PTPRK: variants seen among roughly 807,000 people sequenced by gnomAD.
PTPRK encodes protein tyrosine phosphatase receptor type K.
PTPRK carries 75 observed loss-of-function variants against 178.0 expected under a neutral mutation model. The observed-to-expected ratio is 0.42, with a 90% CI of 0.35 to 0.51. The LOEUF is 0.51. Ranked by LOEUF, PTPRK falls within the 20% of genes least tolerant of loss-of-function variation. PTPRK has a pLI of 0.02. For synonymous variants in PTPRK, 637 were observed against 620.6 expected (o/e 1.03, Z -0.39); for missense variants, 1,441 against 1,797.8 (o/e 0.80, Z 3.59).
At chr6:128,514,346 C>T (rs1281991897) in intron 1 of PTPRK, among the ~76,000 whole-genome samples, 1 of 150,716 alleles carries the variant, frequency 6.6e-6, no homozygotes, top group Non-Finnish European at 1.5e-5. Context: ...AATGTTTCTA[C>T]AACTAAGTCC....
At chr6:127,991,249 C>T (rs1426017333) in intron 20 of PTPRK, 45 bp downstream of exon 20, 1 of 1,447,976 alleles carries the variant, frequency 6.9e-7, no homozygotes, top group Admixed American at 1.9e-5. Flanking sequence ...TGCTTCTCAA[C>T]TATGTTCATT....
At chr6:128,001,936 T>A (rs190761565) in intron 15 of PTPRK, among the ~76,000 whole-genome samples, 2 of 151,996 alleles carry the variant, frequency 1.3e-5, no homozygotes, top group East Asian at 3.9e-4. Flanking sequence ...TTCAGAGGCA[T>A]CTGATGTATC....
intron 7 of PTPRK, among the ~76,000 whole-genome samples, chr6:128,106,288 T>C (rs1789707423): frequency 6.6e-6 from 1 of 152,288 alleles, no homozygotes; most frequent in South Asian, 2.1e-4. Flanking sequence ...TTGAGAGTTT[T>C]GGGAAGAATC....
At chr6:128,295,976 G>T (rs560560785) in intron 3 of PTPRK, among the ~76,000 whole-genome samples, 8 of 152,026 alleles carry the variant, frequency 5.3e-5, no homozygotes, top group Non-Finnish European at 1.0e-4. Flanking sequence ...CATAAAAAAC[G>T]ATTAACATCA....
At chr6:127,976,099 G>A (rs887503648) in intron 27 of PTPRK, among the ~76,000 whole-genome samples, 9 of 152,184 alleles carry the variant, frequency 5.9e-5, no homozygotes, top group African/African-American at 2.2e-4. Flanking sequence ...CATGGTGGTA[G>A]CAGCACTGGT....
At chr6:128,331,553 C>G (rs550532787) in intron 2 of PTPRK, among the ~76,000 whole-genome samples, 1 of 151,860 alleles carries the variant, frequency 6.6e-6, no homozygotes, top group Admixed American at 6.6e-5. Context: ...TAAAATACTC[C>G]ATTAATTTGG....
intron 13 of PTPRK, among the ~76,000 whole-genome samples, chr6:128,043,633 C>A (rs1777558511): frequency 9.8e-6 from 1 of 102,186 alleles, no homozygotes. Flanking sequence ...CATTTTGTTG[C>A]TTGAAGGGGC....
intron 7 of PTPRK, among the ~76,000 whole-genome samples, chr6:128,100,271 G>A (rs1391484390): frequency 6.6e-6 from 1 of 151,936 alleles, no homozygotes; most frequent in African/African-American, 2.4e-5. Flanking sequence ...GAAAATCTGA[G>A]AACATATTAA....
intron 1 of PTPRK, among the ~76,000 whole-genome samples, chr6:128,508,868 ACC>A (rs1856754482): frequency 6.6e-6 from 1 of 151,230 alleles, no homozygotes; most frequent in African/African-American, 2.4e-5. Flanking sequence ...AATCGCTTGA[ACC>A]CAGGAGGCGG....
intron 10 of PTPRK, among the ~76,000 whole-genome samples, chr6:128,079,379 C>G (rs192447077): frequency 6.6e-6 from 1 of 151,924 alleles, no homozygotes; most frequent in Non-Finnish European, 1.5e-5. Context: ...AGACACAGTA[C>G]TCTTATGCTA....
At chr6:128,447,218 C>G (rs1379703209) in intron 1 of PTPRK, among the ~76,000 whole-genome samples, 1 of 152,116 alleles carries the variant, frequency 6.6e-6, no homozygotes, top group Non-Finnish European at 1.5e-5. Flanking sequence ...TGCCAGAATG[C>G]CAAGATTTCT....
chr6:128,410,979 C>T (rs1842247854), intron 1 of PTPRK, among the ~76,000 whole-genome samples: 1 of 152,192 alleles, frequency 6.6e-6, no homozygotes, highest in African/African-American at 2.4e-5. Flanking sequence ...GCAGCCTCAA[C>T]CTCTGGAGCT....
In PTPRK at chr6:128,220,034, C is replaced by T. The variant is rs141356767; in HGVS notation, c.694-938G>A. Among the ~76,000 whole-genome samples, 133 of 152,168 alleles carry T rather than the reference C, an allele frequency of 8.7e-4. 1 individual carries two copies. Among genetic ancestry groups the T allele is most frequent in the African/African-American group, 3.0e-3 (126 of 41,524 alleles). On this transcript the variant is annotated intron_variant, in intron 5 of 29. Transcript: ENST00000368226. ...ACCTGTCAAATTTCAAAATGAAATACTGGAAGCCATATTTATGATATCAGC... is the reference window on the plus strand; with the variant it reads ...ACCTGTCAAATTTCAAAATGAAATATTGGAAGCCATATTTATGATATCAGC...
In PTPRK at chr6:128,424,708, C is replaced by T. The variant is rs529917445; in HGVS notation, c.101-27020G>A. Among the ~76,000 whole-genome samples, 16 of 152,280 alleles carry T rather than the reference C, an allele frequency of 1.1e-4. 1 individual carries two copies. Among genetic ancestry groups the T allele is most frequent in the Middle Eastern group, 3.4e-3 (1 of 294 alleles). ...TGTTAGAAACTGCTAAGCCCCAAGT[C>T]ACTCTCAGGCTACTGTATTGCTTTA... On this transcript the variant is annotated intron_variant, in intron 1 of 29. Coordinates refer to ENST00000368226, the MANE Select transcript of PTPRK (RefSeq NM_002844.4).
chr6:128,428,279 G>A (rs557807639), intron 1 of PTPRK, among the ~76,000 whole-genome samples: 6 of 152,254 alleles, frequency 3.9e-5, no homozygotes, highest in African/African-American at 1.2e-4. Flanking sequence ...ATTATAGTAG[G>A]ACTTCCATCG....
chr6:128,061,897 C>G (rs1450009521), intron 13 of PTPRK, among the ~76,000 whole-genome samples: 1 of 152,124 alleles, frequency 6.6e-6, no homozygotes, highest in Non-Finnish European at 1.5e-5. Flanking sequence ...TATCCACACA[C>G]AAATTTATAA....
At chr6:128,260,239 G>A (rs1430788269) in intron 3 of PTPRK, among the ~76,000 whole-genome samples, 5 of 151,854 alleles carry the variant, frequency 3.3e-5, no homozygotes. Flanking sequence ...AACAGAACAG[G>A]CTTATAGCAG....
intron 8 of PTPRK, among the ~76,000 whole-genome samples, chr6:128,085,646 G>T (rs1211907353): frequency 1.3e-5 from 2 of 152,130 alleles, no homozygotes; most frequent in Non-Finnish European, 2.9e-5. Context: ...TAAAATATTT[G>T]TATAATTCTA....
chr6:128,196,384 T>A (rs982636676), intron 6 of PTPRK, among the ~76,000 whole-genome samples: 2 of 152,110 alleles, frequency 1.3e-5, no homozygotes, highest in Non-Finnish European at 2.9e-5. Flanking sequence ...ACCCATCTGA[T>A]AAAATAACAA....
Sources: gnomAD v4.1 joint callset for allele counts (sites outside exome capture counted in the v4.1 genomes callset) on GRCh38, gnomAD v4.1.1 for gene constraint, MANE v1.5 for transcripts, NCBI Gene and HGNC (gene_info 2026-07-23, HGNC 2026-07-21) for gene names.